Variants in NKAIN2 observed in about 807,000 individuals in gnomAD.
The protein encoded by NKAIN2 is sodium/potassium transporting ATPase interacting 2.
Under a neutral mutation model 32.6 loss-of-function variants are expected in NKAIN2, and 14 were observed. The ratio of observed to expected loss-of-function variants is 0.43; its 90% CI spans 0.28 to 0.67. The LOEUF is 0.67. NKAIN2 is among the 30% of genes least tolerant of loss of function. The pLI is 0.17. For missense variants in NKAIN2, 198 were observed against 258.3 expected, an observed-to-expected ratio of 0.77 and a Z score of 1.60; for synonymous variants, 80 against 87.2, an observed-to-expected ratio of 0.92 and a Z score of 0.46.
intron 1 of NKAIN2, among the ~76,000 whole-genome samples, chr6:124,072,027 A>G (rs1054833938): frequency 1.4e-4 from 21 of 152,170 alleles, no homozygotes; most frequent in Non-Finnish European, 2.2e-4. Flanking sequence ...ATGCACTCCT[A>G]TGTTCACTGC....
chr6:124,620,446 ACTT>A (rs1214735456), intron 3 of NKAIN2, among the ~76,000 whole-genome samples: 5 of 152,178 alleles, frequency 3.3e-5, no homozygotes, highest in Non-Finnish European at 7.4e-5. Flanking sequence ...AATGGCAAGG[ACTT>A]CTTTTATGAC....
chr6:124,189,441 C>G (rs1023284808), intron 1 of NKAIN2, among the ~76,000 whole-genome samples: 3 of 152,130 alleles, frequency 2.0e-5, no homozygotes, highest in South Asian at 2.1e-4. Context: ...TGACTCACCC[C>G]TGTAATCCCA....
chr6:124,612,079 G>A (rs746380276), intron 3 of NKAIN2, among the ~76,000 whole-genome samples: 3 of 151,680 alleles, frequency 2.0e-5, no homozygotes, highest in Non-Finnish European at 4.4e-5. Flanking sequence ...TATCATTTAT[G>A]TTTTTAAATA....
chr6:124,450,226 C>T (rs1299602459), intron 3 of NKAIN2, among the ~76,000 whole-genome samples: 5 of 152,030 alleles, frequency 3.3e-5, no homozygotes, highest in African/African-American at 1.2e-4. Flanking sequence ...ATCAAACCAA[C>T]TATTTGGAAG....
chr6:124,405,842 A>C (rs930431347), intron 3 of NKAIN2, among the ~76,000 whole-genome samples: 1 of 152,206 alleles, frequency 6.6e-6, no homozygotes, highest in Non-Finnish European at 1.5e-5. Context: ...AGTAAAACAA[A>C]ACAATGGCAA....
At chr6:124,515,952 A>T (rs769711233) in intron 3 of NKAIN2, among the ~76,000 whole-genome samples, 4 of 152,118 alleles carry the variant, frequency 2.6e-5, no homozygotes, top group Non-Finnish European at 5.9e-5. Flanking sequence ...ACTTTTAAAT[A>T]TTTACTGAGC....
intron 1 of NKAIN2, among the ~76,000 whole-genome samples, chr6:123,868,494 G>A (rs1772695820): frequency 6.6e-6 from 1 of 152,118 alleles, no homozygotes; most frequent in Non-Finnish European, 1.5e-5. Flanking sequence ...GAAATTGACA[G>A]TTAATCCATT....
chr6:124,037,860 G>A (rs376757589), intron 1 of NKAIN2, among the ~76,000 whole-genome samples: 11 of 152,102 alleles, frequency 7.2e-5, no homozygotes, highest in African/African-American at 2.7e-4. Context: ...GGTTGAAAGC[G>A]GAAAGGTAGT....
At chr6:123,896,549 T>C (rs1774288824) in intron 1 of NKAIN2, among the ~76,000 whole-genome samples, 1 of 152,216 alleles carries the variant, frequency 6.6e-6, no homozygotes, top group Admixed American at 6.5e-5. Context: ...CATGATGATT[T>C]ATTCCCTGTG....
chr6:124,371,134 A>G (rs183402687), intron 3 of NKAIN2, among the ~76,000 whole-genome samples: 2 of 152,304 alleles, frequency 1.3e-5, no homozygotes, highest in East Asian at 3.9e-4. Flanking sequence ...AAATAGCCAA[A>G]TAATTAGTAC....
chr6:123,885,137 G>A (rs533062457), intron 1 of NKAIN2, among the ~76,000 whole-genome samples: 20 of 152,202 alleles, frequency 1.3e-4, no homozygotes, highest in Non-Finnish European at 1.5e-4. Context: ...ATTTAGCAAT[G>A]TATTAACATT....
chr6:123,834,798 C>CT (rs202068523), intron 1 of NKAIN2, among the ~76,000 whole-genome samples: 6 of 150,438 alleles, frequency 4.0e-5, no homozygotes, highest in Admixed American at 6.6e-5. Context: ...TTGTCAGATG[C>CT]TTTTTTTTTG....
rs143063339 is a variant in NKAIN2 at position 124,218,272 on chromosome 6, C to A, written c.55-64733C>A. Among the ~76,000 whole-genome samples, 866 of 151,932 alleles carry A rather than the reference C, an allele frequency of 5.7e-3. 9 individuals are homozygous for A. The highest frequency in any genetic ancestry group is 0.018 in the African/African-American group (733 of 41,442). ...ATAGAGCATGGAACTTGTTTTGGCG[C>A]GTGCGTGGAGTATTTTTAATGAAAA... On this transcript the variant is annotated intron_variant, in intron 1 of 6. Coordinates refer to ENST00000368417, the MANE Select transcript of NKAIN2 (RefSeq NM_001040214.3).
chr6:124,136,578 C>T (rs1452908112), intron 1 of NKAIN2, among the ~76,000 whole-genome samples: 2 of 152,012 alleles, frequency 1.3e-5, no homozygotes, highest in African/African-American at 2.4e-5. Context: ...GACCAATATC[C>T]CTGATGAAAT....
At chr6:124,324,255 C>T (rs1370233248) in intron 2 of NKAIN2, among the ~76,000 whole-genome samples, 1 of 152,122 alleles carries the variant, frequency 6.6e-6, no homozygotes, top group African/African-American at 2.4e-5. Context: ...TATGTCTCTT[C>T]ATTCATTTAG....
intron 1 of NKAIN2, among the ~76,000 whole-genome samples, chr6:124,019,095 A>T (rs1426317455): frequency 3.9e-5 from 6 of 152,094 alleles, no homozygotes; most frequent in Non-Finnish European, 7.3e-5. Flanking sequence ...AAACCATCAG[A>T]TCTCATGACA....
chr6:124,459,157 A>G (rs117028954), intron 3 of NKAIN2, among the ~76,000 whole-genome samples: 43 of 151,990 alleles, frequency 2.8e-4, no homozygotes, highest in Non-Finnish European at 4.9e-4. Context: ...CACTGAGGCA[A>G]AGAGAGGAGG....
chr6:124,419,220 C>T (rs1774637286), intron 3 of NKAIN2, among the ~76,000 whole-genome samples: 1 of 152,060 alleles, frequency 6.6e-6, no homozygotes. Context: ...GTTTCTCTTT[C>T]TCCTTACCCC....
chr6:124,195,623 T>C (rs1790276871), intron 1 of NKAIN2, among the ~76,000 whole-genome samples: 1 of 152,140 alleles, frequency 6.6e-6, no homozygotes, highest in East Asian at 1.9e-4. Context: ...GAAACTTGGA[T>C]AAAGCACAAT....
Sources: gnomAD v4.1 joint callset for allele counts (sites outside exome capture counted in the v4.1 genomes callset) on GRCh38, gnomAD v4.1.1 for gene constraint, MANE v1.5 for transcripts, NCBI Gene and HGNC (gene_info 2026-07-23, HGNC 2026-07-21) for gene names.